SEMA4B: variants seen among roughly 807,000 people sequenced by gnomAD.
SEMA4B encodes the protein semaphorin 4B.
A neutral mutation model predicts 88.1 loss-of-function variants in SEMA4B; 55 were observed. That is an observed-to-expected ratio of 0.62 (90% CI 0.50 to 0.78). SEMA4B has a LOEUF of 0.78. SEMA4B is among the 30% of genes least tolerant of loss of function. The pLI, the probability that SEMA4B is intolerant of heterozygous loss-of-function variation, is 0.00. For missense variants in SEMA4B, 1,062 were observed against 1,111.9 expected (o/e 0.96, Z 0.64); for synonymous variants, 525 against 473.6 (o/e 1.11, Z -1.41).
At chr15:90,210,416 G>A (rs556741021) in intron 1 of SEMA4B, among the ~76,000 whole-genome samples, 1 of 152,290 alleles carries the variant, frequency 6.6e-6, no homozygotes, top group South Asian at 2.1e-4. Flanking sequence ...GTTAAGAAGA[G>A]CAGGGCCAGG....
intron 5 of SEMA4B, 119 bp from the exon 6 acceptor site, chr15:90,221,248 C>T (rs1961821380): frequency 8.7e-7 from 1 of 1,155,714 alleles, no homozygotes; most frequent in Non-Finnish European, 1.3e-6. Flanking sequence ...TTCCAAGTTC[C>T]AGCTTCCTTC....
intron 1 of SEMA4B, among the ~76,000 whole-genome samples, chr15:90,211,004 TGAGG>T (rs1347271627): frequency 2.0e-5 from 3 of 152,190 alleles, no homozygotes; most frequent in Non-Finnish European, 2.9e-5. Context: ...ATTTGGTCTC[TGAGG>T]AGATGGGGTG....
chr15:90,198,961 A>C (rs1357420718), upstream of SEMA4B, among the ~76,000 whole-genome samples: 1 of 152,044 alleles, frequency 6.6e-6, no homozygotes. Flanking sequence ...TCCGCCTCCC[A>C]GGCCCCGGTT....
rs752606237 is a variant in SEMA4B, at chr15:90,217,587, C to A, written c.306C>A (p.Gly102=). The part of the protein sequence containing the change: ...ALSSNLSFLP[G]GEYQELLWGA... ...GTAGCAACCTCAGCTTCCTGCCAGG[C>A]GGGGAGTACCAGGAGGTGAGAGATG... is the stretch of plus-strand genomic sequence containing the variant. The change falls in exon 2 of 14, where the codon GGC becomes GGA. Residue 102 remains glycine (G), a synonymous_variant. Coordinates refer to ENST00000411539, the MANE Select transcript of SEMA4B (RefSeq NM_198925.4). The A allele has an allele frequency of 1.2e-6, 2 of 1,613,638 alleles. No individual in the cohort carries two copies. The highest frequency in any genetic ancestry group is 1.1e-5 in the South Asian group (1 of 91,030).
intron 12 of SEMA4B, chr15:90,227,332 C>A (rs1962220928): frequency 3.8e-6 from 2 of 525,796 alleles, no homozygotes; most frequent in Non-Finnish European, 6.7e-6. Context: ...CAGGCGTGGG[C>A]CACCATGCCT....
chr15:90,208,111 G>A (rs746724735), intron 1 of SEMA4B, among the ~76,000 whole-genome samples: 1 of 152,024 alleles, frequency 6.6e-6, no homozygotes, highest in African/African-American at 2.4e-5. Flanking sequence ...AAAATTAACT[G>A]GGCATGGTGG....
At chr15:90,186,507 G>A (rs910176838) in intron 1 of SEMA4B, among the ~76,000 whole-genome samples, 6 of 151,970 alleles carry the variant, frequency 3.9e-5, no homozygotes, top group Non-Finnish European at 5.9e-5. Flanking sequence ...TAATCGCAGC[G>A]ACTTGGGAGG....
chr15:90,223,444 C>T (rs1961967215), intron 7 of SEMA4B, 115 bp from the exon 8 acceptor site: 3 of 912,006 alleles, frequency 3.3e-6, no homozygotes, highest in Non-Finnish European at 4.7e-6. Flanking sequence ...TCCTGGCCTT[C>T]TCCTGCCCTT....
chr15:90,197,166 C>T (rs533717396), upstream of SEMA4B, among the ~76,000 whole-genome samples: 93 of 152,108 alleles, frequency 6.1e-4, no homozygotes, highest in African/African-American at 2.1e-3. Flanking sequence ...GTGGGCAGAT[C>T]GCTTGAGTCC....
chr15:90,201,262 A>G (rs867883252), upstream of SEMA4B: 21 of 1,031,110 alleles, frequency 2.0e-5, no homozygotes, highest in African/African-American at 1.2e-4. Flanking sequence ...CCCGGGAAGG[A>G]GGAAGGGGGA....
intron 1 of SEMA4B, among the ~76,000 whole-genome samples, chr15:90,189,681 CT>C: frequency 6.6e-6 from 1 of 152,258 alleles, no homozygotes; most frequent in African/African-American, 2.4e-5. Context: ...TTGAAAGTTC[CT>C]TGTGTCTGCA....
At chr15:90,196,121 G>T (rs1960497168) in intron 1 of SEMA4B, among the ~76,000 whole-genome samples, 1 of 148,474 alleles carries the variant, frequency 6.7e-6, no homozygotes, top group Non-Finnish European at 1.5e-5. Context: ...GTAGAGACGG[G>T]GTTTCACCGT....
chr15:90,200,578 T>C (rs949870582), upstream of SEMA4B, among the ~76,000 whole-genome samples: 1 of 152,158 alleles, frequency 6.6e-6, no homozygotes, highest in African/African-American at 2.4e-5. Flanking sequence ...ACTCCACCCG[T>C]GGAGATGTTA....
chr15:90,197,530 C>T (rs904417028), upstream of SEMA4B, among the ~76,000 whole-genome samples: 10 of 151,444 alleles, frequency 6.6e-5, no homozygotes, highest in South Asian at 2.1e-4. Flanking sequence ...CTCCGCCTCC[C>T]GGGTTCACGC....
intron 4 of SEMA4B, among the ~76,000 whole-genome samples, chr15:90,220,768 G>T (rs571330268): frequency 1.3e-5 from 2 of 152,196 alleles, no homozygotes; most frequent in Non-Finnish European, 2.9e-5. Flanking sequence ...CTGTGTCTGG[G>T]TGAGGCCTCT....
intron 1 of SEMA4B, among the ~76,000 whole-genome samples, chr15:90,214,650 A>G (rs34332367): frequency 0.11 from 15,976 of 149,988 alleles, 1,095 homozygotes; most frequent in Admixed American, 0.19. Context: ...AAAAAAAAAA[A>G]AAAAGGCTGA....
chr15:90,217,263 G>A (rs1039668391), intron 1 of SEMA4B, 176 bp from the exon 2 acceptor site: 10 of 571,442 alleles, frequency 1.7e-5, no homozygotes, highest in Admixed American at 3.3e-5. Flanking sequence ...TAATGTTTGA[G>A]AGTCCAGGAA....
chr15:90,225,434 G>A, intron 11 of SEMA4B, 37 bp downstream of exon 11: 1 of 1,521,234 alleles, frequency 6.6e-7, no homozygotes, highest in Non-Finnish European at 8.9e-7. Flanking sequence ...CAGGGTACTT[G>A]GGGGGTGCCC....
At position 90,223,977 on chromosome 15, in the gene SEMA4B, C is replaced by T. The variant is rs756977958; in HGVS notation, c.1183C>T (p.Arg395Trp). ...YTVTHPVPTPRPGACITNSAR... is the reference protein window; with the variant it reads ...YTVTHPVPTPWPGACITNSAR... ...CGTGACCCACCCGGTGCCCACACCC[C>T]GGCCTGGAGCGGTGGGTACTGGCTC... Residue 395 changes from arginine to tryptophan, a missense_variant, in exon 9 of 14, where the codon CGG becomes TGG. Transcript: ENST00000411539. 1.7e-5 allele frequency: 28 copies of T among 1,612,580 alleles called. No homozygotes were observed. Among genetic ancestry groups the T allele is most frequent in the South Asian group, 3.3e-5 (3 of 91,056 alleles).
Sources: allele counts gnomAD v4.1 joint callset (sites outside exome capture counted in the v4.1 genomes callset), GRCh38; gene constraint gnomAD v4.1.1; transcripts MANE v1.5; gene names NCBI Gene and HGNC (gene_info 2026-07-23, HGNC 2026-07-21).